The following STXBP4 variants were observed in gnomAD, a reference collection of about 807,000 sequenced individuals.
The protein encoded by STXBP4 is syntaxin binding protein 4.
In STXBP4, 55 loss-of-function variants were observed where a neutral mutation model predicts 76.1. The observed-to-expected ratio is 0.72, with a 90% CI of 0.58 to 0.91. The LOEUF is 0.91. Among genes scored for constraint, STXBP4 ranks in the 40% least tolerant of loss-of-function variants. The pLI is 0.00. For missense variants in STXBP4, 618 were observed against 636.9 expected (o/e 0.97, Z 0.32); for synonymous variants, 201 against 220.2 (o/e 0.91, Z 0.77).
intron 12 of STXBP4, among the ~76,000 whole-genome samples, chr17:55,070,251 T>A (rs769198372): frequency 1.3e-5 from 2 of 152,138 alleles, no homozygotes; most frequent in Admixed American, 6.5e-5. Flanking sequence ...AATAGACATA[T>A]CCATGGCAGT....
At chr17:54,994,449 G>GTCATT (rs1302923765) in intron 4 of STXBP4, among the ~76,000 whole-genome samples, 1 of 152,166 alleles carries the variant, frequency 6.6e-6, no homozygotes, top group African/African-American at 2.4e-5. Context: ...ACAGCTTCTA[G>GTCATT]CTACACAAAG....
chr17:55,053,001 G>A (rs1179108218), intron 12 of STXBP4, among the ~76,000 whole-genome samples: 4 of 115,998 alleles, frequency 3.4e-5, no homozygotes, highest in African/African-American at 1.3e-4. Flanking sequence ...AAAAAAAAAG[G>A]TAATAAAAGT....
the STXBP4 span, among the ~76,000 whole-genome samples, chr17:55,204,965 T>C: frequency 6.6e-6 from 1 of 152,268 alleles, no homozygotes; most frequent in African/African-American, 2.4e-5. Flanking sequence ...CTACCAAACA[T>C]ACTATTTTAT....
chr17:55,165,073 A>G lies in STXBP4; in HGVS notation c.*5162A>G, dbSNP rs2080369623. On this transcript the variant is annotated 3_prime_UTR_variant, in exon 18 of 18. Coordinates refer to ENST00000376352, the MANE Select transcript of STXBP4 (RefSeq NM_178509.6). The stretch of plus-strand genomic sequence containing the variant: ...CTTTATCAGATATTTGAACTACTGG[A>G]CCATTTAATGTTCATTACGTTAACA... The G allele has an allele frequency of 1.3e-5, 2 of 152,214 alleles. No homozygotes were observed. The highest frequency in any genetic ancestry group is 4.1e-4 in the South Asian group (2 of 4,830). 9.4% of individuals were successfully genotyped at this position (152,214 alleles called of 1,614,324 possible). A position where few individuals can be genotyped will look rare whatever the true frequency, so the allele number is the denominator to read the frequency against.
At chr17:55,107,076 C>A (rs1195666338) in intron 16 of STXBP4, among the ~76,000 whole-genome samples, 1 of 152,184 alleles carries the variant, frequency 6.6e-6, no homozygotes, top group Non-Finnish European at 1.5e-5. Flanking sequence ...GTACACCAAT[C>A]AAACATAGGT....
rs2079725003 is a variant in STXBP4 at position 55,111,971 on chromosome 17, A to C, written c.1490-29339A>C. 2.6e-5 allele frequency among the ~76,000 whole-genome samples: 4 copies of C among 152,134 alleles called. No homozygotes were observed. In the South Asian group the frequency reaches 6.2e-4, roughly 24 times the overall value. ...AACTCTGTCACCCAGGCTGCAGTGC[A>C]ATAGCACAGTCATAGCTCACTGCAG... On this transcript the variant is annotated intron_variant, in intron 16 of 17. Coordinates refer to ENST00000376352, the MANE Select transcript of STXBP4 (RefSeq NM_178509.6).
chr17:55,183,697 T>G, the STXBP4 span, among the ~76,000 whole-genome samples: 5 of 152,134 alleles, frequency 3.3e-5, no homozygotes, highest in Admixed American at 6.5e-5. Context: ...TTTTAAGAGA[T>G]ATACAGTGCA....
At chr17:54,998,627 T>G (rs2077853538) in intron 4 of STXBP4, among the ~76,000 whole-genome samples, 1 of 152,152 alleles carries the variant, frequency 6.6e-6, no homozygotes, top group African/African-American at 2.4e-5. Context: ...AACTAGGCCT[T>G]AATCATAGGG....
chr17:55,050,858 C>T (rs1328832240), intron 12 of STXBP4, among the ~76,000 whole-genome samples: 1 of 151,812 alleles, frequency 6.6e-6, no homozygotes, highest in Non-Finnish European at 1.5e-5. Context: ...AGTAGAGATG[C>T]AGTTTTGCCA....
At chr17:55,191,698 T>C in the STXBP4 span, among the ~76,000 whole-genome samples, 1 of 152,182 alleles carries the variant, frequency 6.6e-6, no homozygotes, top group Admixed American at 6.5e-5. Context: ...ATGTACAGTG[T>C]CAAGTTGAGG....
At chr17:55,062,094 T>A (rs1315557231) in intron 12 of STXBP4, among the ~76,000 whole-genome samples, 2 of 152,122 alleles carry the variant, frequency 1.3e-5, no homozygotes, top group Admixed American at 1.3e-4. Context: ...AGGCTTTTTT[T>A]TTTTTAAATA....
At chr17:55,055,773 CT>C (rs939140224) in intron 12 of STXBP4, among the ~76,000 whole-genome samples, 1 of 152,238 alleles carries the variant, frequency 6.6e-6, no homozygotes, top group Admixed American at 6.5e-5. Flanking sequence ...CATCTGGTCT[CT>C]TTGCACCATC....
intron 8 of STXBP4, among the ~76,000 whole-genome samples, chr17:55,014,536 C>A (rs1234603145): frequency 6.6e-6 from 1 of 152,114 alleles, no homozygotes; most frequent in Non-Finnish European, 1.5e-5. Context: ...GAGAGTAAGA[C>A]TGAGAAGGCC....
chr17:55,085,972 T>C (rs1188135723), intron 16 of STXBP4, among the ~76,000 whole-genome samples: 1 of 152,208 alleles, frequency 6.6e-6, no homozygotes, highest in African/African-American at 2.4e-5. Context: ...TTCAGAATTT[T>C]ATATATCAGA....
rs1159183208 is a variant in STXBP4, at chr17:55,169,414, T to TG, written c.*9504dup. ...ATTTCCAGGTGCTTCCAGCCTGCAA[T>TG]GCAGTCAAAGCATGTTCCTGTAGCC... On this transcript the variant is annotated 3_prime_UTR_variant, in exon 18 of 18. Coordinates refer to ENST00000376352, the MANE Select transcript of STXBP4 (RefSeq NM_178509.6). The TG allele has an allele frequency of 3.3e-5, 5 of 152,274 alleles. No homozygotes were observed. Among genetic ancestry groups the TG allele is most frequent in the Admixed American group, 3.3e-4 (5 of 15,268 alleles). The allele number at this position is 152,274 out of a possible 1,614,324, so 9.4% of individuals were successfully genotyped here.
At chr17:55,205,141 T>G in the STXBP4 span, among the ~76,000 whole-genome samples, 1 of 152,106 alleles carries the variant, frequency 6.6e-6, no homozygotes, top group South Asian at 2.1e-4. Context: ...GCCAAGGAAA[T>G]TTTTGTTTAA....
intron 17 of STXBP4, among the ~76,000 whole-genome samples, chr17:55,150,133 T>G (rs1198866452): frequency 6.6e-6 from 1 of 152,186 alleles, no homozygotes; most frequent in Non-Finnish European, 1.5e-5. Context: ...TAACAAATAC[T>G]TTTTGTCAAA....
chr17:55,146,395 T>C (rs1261596055), intron 17 of STXBP4, among the ~76,000 whole-genome samples: 1 of 152,174 alleles, frequency 6.6e-6, no homozygotes, highest in African/African-American at 2.4e-5. Context: ...GTCACTCTGT[T>C]AGCTAGGGCT....
chr17:55,023,160 T>C (rs1014278870), intron 8 of STXBP4, among the ~76,000 whole-genome samples: 13 of 152,228 alleles, frequency 8.5e-5, no homozygotes, highest in Non-Finnish European at 8.8e-5. Flanking sequence ...TCCGTAGTTC[T>C]TAATGGACTT....
Sources: gnomAD v4.1 joint callset for allele counts (sites outside exome capture counted in the v4.1 genomes callset) on GRCh38, gnomAD v4.1.1 for gene constraint, MANE v1.5 for transcripts, NCBI Gene and HGNC (gene_info 2026-07-23, HGNC 2026-07-21) for gene names.